Variants in ATP8A2 observed in about 807,000 individuals in gnomAD.
The protein encoded by ATP8A2 is ATPase phospholipid transporting 8A2, also known as phospholipid-transporting ATPase IB.
A neutral mutation model predicts 165.6 loss-of-function variants in ATP8A2; 100 were observed. The ratio of observed to expected loss-of-function variants is 0.60; its 90% CI spans 0.51 to 0.71. ATP8A2 has a LOEUF of 0.71. Among genes scored for constraint, ATP8A2 ranks in the 30% least tolerant of loss-of-function variants. The probability of loss-of-function intolerance (pLI) is 0.00; values close to 1 mark genes in which losing one functional copy is unlikely to be tolerated. For missense variants in ATP8A2, 1,227 were observed against 1,479.5 expected, an observed-to-expected ratio of 0.83 and a Z score of 2.80; for synonymous variants, 543 against 548.8, an observed-to-expected ratio of 0.99 and a Z score of 0.15.
chr13:25,985,459 G>C (rs1752176001), intron 35 of ATP8A2, among the ~76,000 whole-genome samples: 1 of 152,178 alleles, frequency 6.6e-6, no homozygotes, highest in Admixed American at 6.5e-5. Flanking sequence ...GATGCTTTCA[G>C]TTGCCGATAC....
intron 35 of ATP8A2, among the ~76,000 whole-genome samples, chr13:25,984,644 C>CA (rs1219125210): frequency 1.5e-4 from 22 of 149,240 alleles, no homozygotes; most frequent in African/African-American, 4.9e-4. Flanking sequence ...CGAAACAAAA[C>CA]AAAAAAACAA....
chr13:25,733,698 C>T (rs1323383936), intron 25 of ATP8A2, among the ~76,000 whole-genome samples: 2 of 152,106 alleles, frequency 1.3e-5, no homozygotes, highest in African/African-American at 4.8e-5. Context: ...CATTGTATCA[C>T]TTAATCTATT....
At chr13:25,404,123 C>T (rs1222225301) in intron 1 of ATP8A2, among the ~76,000 whole-genome samples, 1 of 152,066 alleles carries the variant, frequency 6.6e-6, no homozygotes, top group Non-Finnish European at 1.5e-5. Flanking sequence ...AGTGCTTCAG[C>T]AGGGAAAGTA....
chr13:25,993,747 A>AT (rs1469437911), intron 35 of ATP8A2, among the ~76,000 whole-genome samples: 1 of 152,104 alleles, frequency 6.6e-6, no homozygotes, highest in African/African-American at 2.4e-5. Flanking sequence ...TATTGTAATT[A>AT]TATCATAAGT....
chr13:26,002,881 TGTGTGTGTGTG>T, intron 35 of ATP8A2, among the ~76,000 whole-genome samples: 1 of 151,554 alleles, frequency 6.6e-6, no homozygotes, highest in African/African-American at 2.4e-5. Context: ...TGTGTGTGTG[TGTGTGTGTGTG>T]TGTATGTACC....
chr13:25,927,659 C>T (rs1270165496), intron 33 of ATP8A2, among the ~76,000 whole-genome samples: 1 of 152,200 alleles, frequency 6.6e-6, no homozygotes, highest in Non-Finnish European at 1.5e-5. Flanking sequence ...TATGTAAATC[C>T]TCAGAGGTTC....
chr13:25,869,990 A>T (rs1357190110), intron 33 of ATP8A2, among the ~76,000 whole-genome samples: 1 of 152,202 alleles, frequency 6.6e-6, no homozygotes, highest in Non-Finnish European at 1.5e-5. Context: ...GAAGAATCAG[A>T]TCACACGTGG....
intron 16 of ATP8A2, among the ~76,000 whole-genome samples, chr13:25,565,779 T>C (rs986654832): frequency 1.3e-5 from 2 of 148,584 alleles, no homozygotes; most frequent in Admixed American, 1.3e-4. Context: ...TTTTTTTTTA[T>C]TGCATTTGCT....
At chr13:26,013,939 C>G (rs925255179) in intron 36 of ATP8A2, among the ~76,000 whole-genome samples, 1 of 152,168 alleles carries the variant, frequency 6.6e-6, no homozygotes, top group Admixed American at 6.5e-5. Context: ...TGCTCCACTG[C>G]CCTGGGAGGT....
chr13:25,624,460 G>T (rs1223115719), intron 24 of ATP8A2, among the ~76,000 whole-genome samples: 1 of 152,032 alleles, frequency 6.6e-6, no homozygotes, highest in Non-Finnish European at 1.5e-5. Flanking sequence ...TCACTTCAAT[G>T]TAATTTATAT....
intron 25 of ATP8A2, among the ~76,000 whole-genome samples, chr13:25,716,993 T>C (rs1289480767): frequency 6.6e-6 from 1 of 152,190 alleles, no homozygotes; most frequent in African/African-American, 2.4e-5. Flanking sequence ...CAGAGGCAGG[T>C]TGGCTAGAGT....
intron 2 of ATP8A2, among the ~76,000 whole-genome samples, chr13:25,501,255 C>T (rs1186073992): frequency 6.6e-6 from 1 of 152,180 alleles, no homozygotes; most frequent in Non-Finnish European, 1.5e-5. Context: ...GCACACCACC[C>T]AGGGCCACAC....
At chr13:25,569,550 C>A (rs1425095918) in intron 16 of ATP8A2, among the ~76,000 whole-genome samples, 1 of 152,148 alleles carries the variant, frequency 6.6e-6, no homozygotes, top group Non-Finnish European at 1.5e-5. Context: ...AACCCCAGGA[C>A]AAGGAAGCTT....
At chr13:26,013,786 A>G (rs1171672313) in intron 36 of ATP8A2, among the ~76,000 whole-genome samples, 1 of 152,232 alleles carries the variant, frequency 6.6e-6, no homozygotes, top group Non-Finnish European at 1.5e-5. Context: ...CTGCCTGTCA[A>G]CAGGTATTTG....
At chr13:25,476,201 G>T (rs2035989657) in intron 2 of ATP8A2, among the ~76,000 whole-genome samples, 4 of 152,110 alleles carry the variant, frequency 2.6e-5, no homozygotes, top group Non-Finnish European at 4.4e-5. Flanking sequence ...TTTTAATGCT[G>T]CAGAATTTAT....
At chr13:25,860,759 C>A in intron 31 of ATP8A2, 45 bp from the exon 32 acceptor site, 5 of 1,427,668 alleles carry the variant, frequency 3.5e-6, no homozygotes, top group Non-Finnish European at 3.9e-6. Flanking sequence ...GTGAAAATAA[C>A]TCATTGAGAA....
intron 27 of ATP8A2, among the ~76,000 whole-genome samples, chr13:25,799,237 C>A (rs554278236): frequency 6.6e-6 from 1 of 152,140 alleles, no homozygotes; most frequent in Non-Finnish European, 1.5e-5. Flanking sequence ...AGTTAACAAC[C>A]TTTGTGCAGA....
intron 33 of ATP8A2, among the ~76,000 whole-genome samples, chr13:25,905,833 C>T (rs1039007910): frequency 1.3e-5 from 2 of 152,182 alleles, no homozygotes; most frequent in South Asian, 4.1e-4. Context: ...AGCCCTTCCT[C>T]GCCCTGAGGG....
At chr13:25,622,577 C>A (rs571711299) in intron 24 of ATP8A2, among the ~76,000 whole-genome samples, 1 of 152,060 alleles carries the variant, frequency 6.6e-6, no homozygotes, top group Admixed American at 6.6e-5. Context: ...ATCCAAAATC[C>A]GAAATGCCCC....
Sources: allele counts gnomAD v4.1 joint callset (sites outside exome capture counted in the v4.1 genomes callset), GRCh38; gene constraint gnomAD v4.1.1; transcripts MANE v1.5; gene names NCBI Gene and HGNC (gene_info 2026-07-23, HGNC 2026-07-21).